Variants in RBM33 observed in about 807,000 individuals in gnomAD.
RBM33 encodes the protein RNA-binding protein 33.
RBM33 carries 28 observed loss-of-function variants against 132.6 expected under a neutral mutation model. The observed-to-expected ratio is 0.21, with a 90% CI of 0.16 to 0.29. The LOEUF (loss-of-function observed/expected upper bound fraction) is 0.29. Among genes scored for constraint, RBM33 ranks in the 10% least tolerant of loss-of-function variants. The probability of loss-of-function intolerance (pLI) is 1.00; values close to 1 mark genes in which losing one functional copy is unlikely to be tolerated. For missense variants in RBM33, 1,291 were observed against 1,518.5 expected (o/e 0.85, Z 2.49); for synonymous variants, 634 against 593.0 (o/e 1.07, Z -1.01).
intron 5 of RBM33, among the ~76,000 whole-genome samples, chr7:155,698,437 A>T (rs1799861478): frequency 6.6e-6 from 1 of 152,134 alleles, no homozygotes; most frequent in South Asian, 2.1e-4. Context: ...CCATATGGTG[A>T]AGGGGGATGG....
chr7:155,730,308 C>G (rs1451844506), intron 9 of RBM33, among the ~76,000 whole-genome samples: 1 of 152,038 alleles, frequency 6.6e-6, no homozygotes, highest in Admixed American at 6.5e-5. Context: ...AGCAGGGAAT[C>G]TATACTGATT....
At chr7:155,669,522 T>C (rs1380286752) in intron 2 of RBM33, among the ~76,000 whole-genome samples, 1 of 152,104 alleles carries the variant, frequency 6.6e-6, no homozygotes, top group African/African-American at 2.4e-5. Flanking sequence ...CTGGCTAATA[T>C]TTATATTTTT....
intron 9 of RBM33, among the ~76,000 whole-genome samples, chr7:155,726,281 A>T (rs1396321915): frequency 6.6e-6 from 1 of 152,172 alleles, no homozygotes; most frequent in African/African-American, 2.4e-5. Context: ...GATAAGTCAC[A>T]TAATAGCTGT....
chr7:155,769,421 C>T (rs1802336222), intron 16 of RBM33, among the ~76,000 whole-genome samples: 1 of 152,174 alleles, frequency 6.6e-6, no homozygotes, highest in African/African-American at 2.4e-5. Context: ...GCTCCCAAGG[C>T]CAGGGGGGCT....
chr7:155,716,424 T>C (rs1308025605), intron 8 of RBM33, among the ~76,000 whole-genome samples: 1 of 151,346 alleles, frequency 6.6e-6, no homozygotes, highest in Non-Finnish European at 1.5e-5. Flanking sequence ...GATTGCTTTC[T>C]AGAAATCCCA....
At chr7:155,644,999 A>G (rs1798137563) in intron 1 of RBM33, 80 bp downstream of exon 1, 1 of 1,119,970 alleles carries the variant, frequency 8.9e-7, no homozygotes, top group Non-Finnish European at 1.2e-6. Context: ...CTCCCCGCTT[A>G]GGAGAGGACG....
chr7:155,695,798 T>A (rs1455423084), intron 5 of RBM33, among the ~76,000 whole-genome samples: 2 of 152,200 alleles, frequency 1.3e-5, no homozygotes, highest in East Asian at 3.9e-4. Context: ...AGCAGAAAAT[T>A]TTAATTTTGT....
intron 2 of RBM33, 80 bp from the exon 3 acceptor site, chr7:155,672,787 T>C: frequency 1.0e-6 from 1 of 986,836 alleles, no homozygotes; most frequent in Non-Finnish European, 1.5e-6. Context: ...TGTAGAGTTC[T>C]TGGTAAATTT....
At chr7:155,659,928 T>C (rs1483172184) in intron 1 of RBM33, among the ~76,000 whole-genome samples, 1 of 152,202 alleles carries the variant, frequency 6.6e-6, no homozygotes, top group Non-Finnish European at 1.5e-5. Flanking sequence ...CTCAAGTCTT[T>C]GGCTTCACAT....
chr7:155,661,369 G>T (rs1798645394), intron 1 of RBM33, among the ~76,000 whole-genome samples: 1 of 148,640 alleles, frequency 6.7e-6, no homozygotes, highest in Non-Finnish European at 1.5e-5. Flanking sequence ...TGATCCCCCT[G>T]CCTTGGCCTC....
chr7:155,759,860 G>A (rs1026758966), intron 14 of RBM33, among the ~76,000 whole-genome samples: 5 of 152,080 alleles, frequency 3.3e-5, no homozygotes, highest in South Asian at 4.1e-4. Flanking sequence ...CAGGGAAACC[G>A]GCCAGAGCAT....
intron 1 of RBM33, among the ~76,000 whole-genome samples, chr7:155,653,003 A>G (rs1798397737): frequency 6.6e-6 from 1 of 152,252 alleles, no homozygotes; most frequent in East Asian, 1.9e-4. Flanking sequence ...GATGTCTTCA[A>G]GATTCATCAG....
chr7:155,655,628 A>G (rs1585399602), intron 1 of RBM33, among the ~76,000 whole-genome samples: 1 of 145,354 alleles, frequency 6.9e-6, no homozygotes, highest in East Asian at 2.1e-4. Context: ...TTTAACATGA[A>G]TTAAGGCAGT....
At chr7:155,680,454 AT>A in intron 4 of RBM33, 135 bp from the exon 5 acceptor site, 2 of 669,278 alleles carry the variant, frequency 3.0e-6, no homozygotes, top group Non-Finnish European at 2.5e-6. Flanking sequence ...GTTGGAGTTA[AT>A]GTGCATTTGT....
At chr7:155,687,732 G>A (rs971602309) in intron 5 of RBM33, among the ~76,000 whole-genome samples, 1 of 152,096 alleles carries the variant, frequency 6.6e-6, no homozygotes, top group South Asian at 2.1e-4. Context: ...ATTAAATAGG[G>A]GATCCTTTCC....
At chr7:155,733,335 C>T (rs562992067) in intron 9 of RBM33, among the ~76,000 whole-genome samples, 5 of 137,392 alleles carry the variant, frequency 3.6e-5, no homozygotes, top group Non-Finnish European at 7.8e-5. Context: ...CCCCCCACTG[C>T]GTTTTTATTA....
rs1224276151 is a variant in RBM33 at position 155,739,899 on chromosome 7, A to G, written c.1922A>G (p.His641Arg). The G allele has an allele frequency of 1.3e-6, 2 of 1,520,516 alleles. No individual in the cohort carries two copies. The highest frequency in any genetic ancestry group is 3.0e-5 in the African/African-American group (2 of 66,490). The allele number at this position is 1,520,516 out of a possible 1,614,324, so 94.2% of individuals were successfully genotyped here. A position where few individuals can be genotyped will look rare whatever the true frequency, so the allele number is the denominator to read the frequency against. ...PQHQHHHHHH[H>R]LSVPPPPLMP... is the part of the protein sequence containing the mutation. ...CACCAGCACCACCACCACCACCACC[A>G]CCTGTCCGTCCCGCCCCCTCCTTTG... The change falls in exon 12 of 18, where the codon CAC becomes CGC. Residue 641 changes from histidine (H) to arginine (R), a missense_variant. By Grantham distance (29) the His-to-Arg change is conservative. Around this residue, in one of 7 missense-constraint regions of RBM33, gnomAD observed 841 missense variants for 912.0 expected, o/e 0.92. Transcript: ENST00000401878.
chr7:155,669,665 C>T (rs1283995789), intron 2 of RBM33, among the ~76,000 whole-genome samples: 1 of 152,142 alleles, frequency 6.6e-6, no homozygotes, highest in Admixed American at 6.6e-5. Context: ...AAAGTTTTAA[C>T]TGAAGAAATT....
intron 5 of RBM33, among the ~76,000 whole-genome samples, chr7:155,681,112 C>T (rs1799326510): frequency 6.6e-6 from 1 of 152,198 alleles, no homozygotes; most frequent in Non-Finnish European, 1.5e-5. Context: ...CTTTGTCATT[C>T]TGGAAGGCTG....
Sources: allele counts gnomAD v4.1 joint callset (sites outside exome capture counted in the v4.1 genomes callset), GRCh38; gene constraint gnomAD v4.1.1; regional missense constraint gnomAD v4.1.1; transcripts MANE v1.5; gene names NCBI Gene and HGNC (gene_info 2026-07-23, HGNC 2026-07-21).